The following ZFYVE28 variants were observed in gnomAD, a reference collection of about 807,000 sequenced individuals.
The protein encoded by ZFYVE28 is zinc finger FYVE-type containing 28, also known as lateral signaling target protein 2 homolog.
In ZFYVE28, 40 loss-of-function variants were observed where a neutral mutation model predicts 82.1. That is an observed-to-expected ratio of 0.49 (90% CI 0.38 to 0.63). ZFYVE28 has a LOEUF of 0.63. Among genes scored for constraint, ZFYVE28 ranks in the 30% least tolerant of loss-of-function variants. The probability of loss-of-function intolerance (pLI) is 0.00; values close to 1 mark genes in which losing one functional copy is unlikely to be tolerated. For synonymous variants in ZFYVE28, 612 were observed against 546.1 expected, an observed-to-expected ratio of 1.12 and a Z score of -1.68; for missense variants, 1,321 against 1,242.1, an observed-to-expected ratio of 1.06 and a Z score of -0.96.
intron 6 of ZFYVE28, chr4:2,330,889 C>A (rs577071133): frequency 1.3e-6 from 2 of 1,534,128 alleles, no homozygotes; most frequent in Non-Finnish European, 1.7e-6. Flanking sequence ...AGGCAGATCA[C>A]GGTGGGAGCT....
chr4:2,308,620 A>AGAC (rs1326961604), intron 7 of ZFYVE28, among the ~76,000 whole-genome samples: 33 of 136,548 alleles, frequency 2.4e-4, no homozygotes, highest in African/African-American at 4.8e-4. Flanking sequence ...GAAAGAAAGA[A>AGAC]AGAAGACAGA....
Position 2,304,550 on chromosome 4 carries a change from G to A in ZFYVE28, c.1790C>T (p.Ala597Val), listed in dbSNP as rs377668860. 35 of 1,612,620 alleles carry A rather than the reference G, an allele frequency of 2.2e-5. No individual in the cohort carries two copies. Among genetic ancestry groups the A allele is most frequent in the Non-Finnish European group, 2.9e-5 (34 of 1,179,910 alleles). The part of the protein sequence containing the change: ...PGGVIGASYA[A>V]GLAKASDRAP... ...CCTGTCGCTGGCCTTGGCTAAGCCGGCAGCGTACGAGGCACCAATGACGCC... is the reference window on the plus strand; with the variant it reads ...CCTGTCGCTGGCCTTGGCTAAGCCGACAGCGTACGAGGCACCAATGACGCC... The change falls in exon 8 of 13, where the codon GCC becomes GTC. Residue 597 changes from alanine to valine, a missense_variant. Physicochemically the swap from Ala to Val is moderately conservative, Grantham distance 64 (BLOSUM62 0). This residue lies in a region of ZFYVE28 where 978 missense variants were observed against 833.7 expected (regional missense o/e 1.17). Transcript: ENST00000290974.
chr4:2,290,921 C>T (rs991356863), intron 8 of ZFYVE28, among the ~76,000 whole-genome samples: 3 of 152,236 alleles, frequency 2.0e-5, no homozygotes, highest in Non-Finnish European at 4.4e-5. Context: ...GAAAAGATCC[C>T]ACTATTATTA....
At chr4:2,348,739 G>T (rs1723937540) in intron 2 of ZFYVE28, among the ~76,000 whole-genome samples, 1 of 152,136 alleles carries the variant, frequency 6.6e-6, no homozygotes, top group Non-Finnish European at 1.5e-5. Flanking sequence ...TGTGAACCAT[G>T]GATATGGTCT....
chr4:2,285,291 C>T (rs1406708142), intron 8 of ZFYVE28: 1 of 152,290 alleles, frequency 6.6e-6, no homozygotes, highest in East Asian at 1.9e-4. Context: ...TTGATCTCGA[C>T]TTCTGGCCTC....
At position 2,305,084 on chromosome 4, in the gene ZFYVE28, G is replaced by A. The variant is rs1285674522; in HGVS notation, c.1256C>T (p.Pro419Leu). The A allele has an allele frequency of 2.5e-6, 4 of 1,607,648 alleles. No homozygotes were observed. Among genetic ancestry groups the A allele is most frequent in the African/African-American group, 2.7e-5 (2 of 74,858 alleles). Residue 419 changes from proline (P) to leucine (L), a missense_variant, in exon 8 of 13, where the codon CCA becomes CTA. This residue lies in a region of ZFYVE28 where 978 missense variants were observed against 833.7 expected (regional missense o/e 1.17). Transcript: ENST00000290974. Reference protein sequence around the residue: ...TAEALARPESPAGPFGWAGST... With the variant: ...TAEALARPESLAGPFGWAGST... ...GCCTGCCCACCCAAATGGGCCAGCT[G>A]GGGACTCGGGCCTGGCCAGGGCTTC...
intron 8 of ZFYVE28, among the ~76,000 whole-genome samples, chr4:2,279,188 G>A (rs943279477): frequency 6.6e-6 from 1 of 152,208 alleles, no homozygotes; most frequent in African/African-American, 2.4e-5. Context: ...TCCCAGCCCT[G>A]TGGGAGGCCG....
chr4:2,387,595 G>A (rs1199328247), intron 1 of ZFYVE28, among the ~76,000 whole-genome samples: 3 of 152,194 alleles, frequency 2.0e-5, no homozygotes, highest in Admixed American at 6.5e-5. Context: ...AGGGACCCTC[G>A]CCAGAGCTTG....
intron 1 of ZFYVE28, among the ~76,000 whole-genome samples, chr4:2,381,872 C>T (rs544237651): frequency 6.6e-6 from 1 of 152,248 alleles, no homozygotes; most frequent in African/African-American, 2.4e-5. Context: ...CTACCACAAG[C>T]CCAGAGGCCT....
rs1424779746 is a variant in ZFYVE28, at chr4:2,271,293, G to A, written c.2532+18C>T. 6 of 1,609,876 alleles carry A rather than the reference G, an allele frequency of 3.7e-6. No individual in the cohort carries two copies. Among genetic ancestry groups the A allele is most frequent in the East Asian group, 4.5e-5 (2 of 44,820 alleles). ...CCTTGGATGCTGAGGGACCCTCCGT[G>A]CAAGGGGTCTCACCCACCTTCCCAC... On this transcript the variant is annotated intron_variant, in intron 12 of 12. Transcript: ENST00000290974.
chr4:2,305,215 C>A lies in ZFYVE28; in HGVS notation c.1125G>T (p.Ala375=). The change falls in exon 8 of 13, where the codon GCG becomes GCT. Residue 375 remains alanine (A), a synonymous_variant. Transcript: ENST00000290974. ...AGGCCTCCCCGCCTGGGCTGCCCTCCGCTCCTGGCCTGTGAGCTGGGGACT... is the reference window on the plus strand; with the variant it reads ...AGGCCTCCCCGCCTGGGCTGCCCTCAGCTCCTGGCCTGTGAGCTGGGGACT... ...ACQSPAHRPG[A]EGSPGGEASP... The A allele has an allele frequency of 6.2e-7, 1 of 1,607,284 alleles. No homozygotes were observed. The highest frequency in any genetic ancestry group is 2.2e-5 in the East Asian group (1 of 44,668).
chr4:2,296,730 C>T (rs559951774), intron 8 of ZFYVE28, among the ~76,000 whole-genome samples: 5 of 152,212 alleles, frequency 3.3e-5, no homozygotes, highest in South Asian at 2.1e-4. Context: ...GCCCGCGGGG[C>T]GGCACCTGCT....
intron 8 of ZFYVE28, among the ~76,000 whole-genome samples, chr4:2,290,433 G>A (rs1713446934): frequency 6.6e-6 from 1 of 152,180 alleles, no homozygotes; most frequent in Non-Finnish European, 1.5e-5. Context: ...TCGTCATGGT[G>A]ACCCCTCCAT....
At chr4:2,321,862 G>A (rs1281359782) in intron 6 of ZFYVE28, among the ~76,000 whole-genome samples, 2 of 152,144 alleles carry the variant, frequency 1.3e-5, no homozygotes, top group Non-Finnish European at 1.5e-5. Context: ...GGCCGAGGGA[G>A]GACCCAGCTG....
Position 2,306,638 on chromosome 4 carries a change from A to G in ZFYVE28, c.804-1102T>C, listed in dbSNP as rs562941045. 5.3e-5 allele frequency among the ~76,000 whole-genome samples: 8 copies of G among 152,362 alleles called. No individual in the cohort carries two copies. The South Asian group carries it at 1.7e-3, about 32-fold the overall frequency. On this transcript the variant is annotated intron_variant, in intron 7 of 12. Coordinates refer to ENST00000290974, the MANE Select transcript of ZFYVE28 (RefSeq NM_020972.3). ...AGATAAACAACAAATAAGTACTTTTAAAATGTCATTAGAAATAGTTGTAAG... is the reference window on the plus strand; with the variant it reads ...AGATAAACAACAAATAAGTACTTTTGAAATGTCATTAGAAATAGTTGTAAG...
At chr4:2,291,427 C>G (rs1222966072) in intron 8 of ZFYVE28, among the ~76,000 whole-genome samples, 1 of 152,192 alleles carries the variant, frequency 6.6e-6, no homozygotes, top group Admixed American at 6.5e-5. Flanking sequence ...GCCCCATCCC[C>G]TTCTAGGCTC....
intron 2 of ZFYVE28, among the ~76,000 whole-genome samples, chr4:2,352,040 G>A (rs1399506553): frequency 6.6e-6 from 1 of 152,152 alleles, no homozygotes; most frequent in Non-Finnish European, 1.5e-5. Context: ...CCCACGGCTG[G>A]ACCAGCGGAA....
chr4:2,333,793 G>A (rs536758024), intron 6 of ZFYVE28, among the ~76,000 whole-genome samples: 1 of 152,364 alleles, frequency 6.6e-6, no homozygotes, highest in East Asian at 1.9e-4. Context: ...AACAAGGCCG[G>A]CTCGCAGGAT....
At chr4:2,391,210 G>A (rs555742233) in intron 1 of ZFYVE28, among the ~76,000 whole-genome samples, 1 of 152,232 alleles carries the variant, frequency 6.6e-6, no homozygotes, top group South Asian at 2.1e-4. Flanking sequence ...TCTGGATTTA[G>A]TGCCTTTTTA....
Sources: gnomAD v4.1 joint callset for allele counts (sites outside exome capture counted in the v4.1 genomes callset) on GRCh38, gnomAD v4.1.1 for gene constraint, gnomAD v4.1.1 regional missense constraint, MANE v1.5 for transcripts, NCBI Gene and HGNC (gene_info 2026-07-23, HGNC 2026-07-21) for gene names.